The following HEATR5B variants were observed in gnomAD, a reference collection of about 807,000 sequenced individuals.
HEATR5B encodes HEAT repeat-containing protein 5B.
A neutral mutation model predicts 224.1 loss-of-function variants in HEATR5B; 156 were observed. The ratio of observed to expected loss-of-function variants is 0.70; its 90% CI spans 0.61 to 0.80. HEATR5B has a LOEUF of 0.80. Among genes scored for constraint, HEATR5B ranks in the 30% least tolerant of loss-of-function variants. The pLI is 0.00. For synonymous variants in HEATR5B, 1,027 were observed against 893.0 expected, an observed-to-expected ratio of 1.15 and a Z score of -2.68; for missense variants, 2,323 against 2,535.5, an observed-to-expected ratio of 0.92 and a Z score of 1.80.
rs1343164908 is a variant in HEATR5B, at chr2:36,981,451, C to A, written c.*39G>T. 2 of 1,501,332 alleles carry A rather than the reference C, an allele frequency of 1.3e-6. No individual in the cohort carries two copies. The highest frequency in any genetic ancestry group is 1.3e-5 in the South Asian group (1 of 79,802). The allele number at this position is 1,501,332 out of a possible 1,614,324, so 93.0% of individuals were successfully genotyped here. A position where few individuals can be genotyped will look rare whatever the true frequency, so the allele number is the denominator to read the frequency against. ...TACAGTGGCCATCACTAATTAGGGG[C>A]TAGTTGACAACATAAATACAAATAA... On this transcript the variant is annotated 3_prime_UTR_variant, in exon 36 of 36. Transcript: ENST00000233099.
intron 28 of HEATR5B, 94 bp downstream of exon 28, chr2:37,008,517 T>C (rs750698109): frequency 2.4e-6 from 2 of 847,110 alleles, no homozygotes; most frequent in South Asian, 1.4e-5. Flanking sequence ...AAACTGTTAC[T>C]ATAGCAACTG....
intron 8 of HEATR5B, among the ~76,000 whole-genome samples, chr2:37,066,801 TATTA>T (rs1414306302): frequency 1.3e-5 from 2 of 152,210 alleles, no homozygotes; most frequent in African/African-American, 4.8e-5. Context: ...TTGCATTCAT[TATTA>T]ATTAATAGAC....
intron 2 of HEATR5B, 37 bp downstream of exon 2, chr2:37,083,252 A>C (rs773081704): frequency 1.2e-6 from 2 of 1,611,268 alleles, no homozygotes; most frequent in South Asian, 1.1e-5. Context: ...TAATCTCTTC[A>C]CGTTAATGCA....
chr2:37,029,051 A>C, intron 22 of HEATR5B, 131 bp from the exon 23 acceptor site: 1 of 768,876 alleles, frequency 1.3e-6, no homozygotes, highest in South Asian at 1.9e-5. Flanking sequence ...TATACAATTT[A>C]ACTATGGCCT....
chr2:37,007,116 A>G lies in HEATR5B; in HGVS notation c.4711T>C (p.Ser1571Pro), dbSNP rs1263119402. The G allele has an allele frequency of 2.5e-6, 4 of 1,614,028 alleles. No homozygotes were observed. The highest frequency in any genetic ancestry group is 3.4e-6 in the Non-Finnish European group (4 of 1,180,022). ...GATTTAGCACTACCCACTGCTCCTG[A>G]TGCCTGGTTTAAATTGACAGATGTA... ...RSTSVNLNQA[S>P]GAVGSAKSLP... The change falls in exon 29 of 36, where the codon TCA becomes CCA. Residue 1571 changes from serine (S) to proline (P), a missense_variant. This residue lies in a region of HEATR5B where 844 missense variants were observed against 812.9 expected (regional missense o/e 1.04). Coordinates refer to ENST00000233099, the MANE Select transcript of HEATR5B (RefSeq NM_019024.3).
intron 33 of HEATR5B, among the ~76,000 whole-genome samples, chr2:36,996,978 C>T (rs929664773): frequency 9.1e-6 from 1 of 110,360 alleles, no homozygotes; most frequent in African/African-American, 3.3e-5. Context: ...CCACCTTGAC[C>T]TCCTAAGTGC....
intron 8 of HEATR5B, among the ~76,000 whole-genome samples, chr2:37,068,276 A>G (rs1216500939): frequency 6.6e-6 from 1 of 152,218 alleles, no homozygotes; most frequent in Non-Finnish European, 1.5e-5. Context: ...ACCATCTGTA[A>G]TTGTTCCTCT....
chr2:37,026,400 C>T (rs935564434), intron 24 of HEATR5B, among the ~76,000 whole-genome samples: 1 of 152,188 alleles, frequency 6.6e-6, no homozygotes, highest in African/African-American at 2.4e-5. Context: ...TTTGTTATAG[C>T]AGCAATAGAA....
chr2:37,000,624 C>A lies in HEATR5B; in HGVS notation c.5507G>T (p.Arg1836Leu). 1 of 1,614,184 alleles carries A rather than the reference C, an allele frequency of 6.2e-7. No individual in the cohort carries two copies. Among genetic ancestry groups the A allele is most frequent in the Non-Finnish European group, 8.5e-7 (1 of 1,180,018 alleles). Residue 1836 changes from arginine (R) to leucine (L), a missense_variant, in exon 33 of 36, where the codon CGT becomes CTT. Physicochemically the swap from Arg to Leu is moderately radical, Grantham distance 102. Transcript: ENST00000233099. ...GVQKQWTALI[R>L]STLACILEYS... ...TTCCAGGATGCAAGCAAGCGTGCTA[C>A]GAATCAGAGCTGTCCACTGTTTTTG...
At chr2:37,073,549 G>A (rs966530307) in intron 5 of HEATR5B, among the ~76,000 whole-genome samples, 2 of 151,762 alleles carry the variant, frequency 1.3e-5, no homozygotes, top group African/African-American at 2.4e-5. Context: ...CAGCCTGGAC[G>A]TTGACATTGA....
chr2:37,046,787 C>T (rs1174180032), intron 18 of HEATR5B, among the ~76,000 whole-genome samples: 3 of 151,646 alleles, frequency 2.0e-5, no homozygotes, highest in East Asian at 1.9e-4. Context: ...CAGTGGCTCA[C>T]GGTTGTAATC....
intron 21 of HEATR5B, among the ~76,000 whole-genome samples, chr2:37,037,159 T>TATATATATATATATATATA (rs1448007926): frequency 2.1e-4 from 29 of 139,222 alleles, no homozygotes; most frequent in Non-Finnish European, 3.3e-4. Flanking sequence ...TATATATATA[T>TATATATATATATATATATA]TTTGGAGATG....
Position 37,083,343 on chromosome 2 carries a change from A to C in HEATR5B, c.72T>G (p.Val24=). The C allele has an allele frequency of 6.2e-7, 1 of 1,614,112 alleles. No homozygotes were observed. Among genetic ancestry groups the C allele is most frequent in the Non-Finnish European group, 8.5e-7 (1 of 1,179,968 alleles). ...GAAATCGCAACCATTCAAAGATGAA[A>C]ACTGGTCTTTTTGCTTCGGTGATTT... ...LAQITEAKRP[V]FIFEWLRFLD... The change falls in exon 2 of 36, where the codon GTT becomes GTG. Residue 24 remains valine (V), a synonymous_variant. Coordinates refer to ENST00000233099, the MANE Select transcript of HEATR5B (RefSeq NM_019024.3).
At chr2:36,988,561 A>C in intron 35 of HEATR5B, 85 bp downstream of exon 35, 1 of 1,188,740 alleles carries the variant, frequency 8.4e-7, no homozygotes, top group Non-Finnish European at 1.2e-6. Context: ...TGCGCCCAGC[A>C]GGCCTGTTTC....
intron 22 of HEATR5B, among the ~76,000 whole-genome samples, chr2:37,030,145 C>T (rs1669035415): frequency 6.6e-6 from 1 of 152,036 alleles, no homozygotes; most frequent in Non-Finnish European, 1.5e-5. Flanking sequence ...CTAGAGCCCA[C>T]TGAACCCTGA....
Position 37,070,320 on chromosome 2 carries a change from C to T in HEATR5B, c.837G>A (p.Leu279=). Residue 279 remains leucine (L), a synonymous_variant, in exon 7 of 36, where the codon CTG becomes CTA. Transcript: ENST00000233099. ...EVLELMATGF[L]RGGSGFLKSG... The stretch of plus-strand genomic sequence containing the variant: ...TCTTTAAGAAACCTGACCCTCCACG[C>T]AGAAATCCTGTGGCCATGAGTTCTA... 6.2e-7 allele frequency: 1 copy of T among 1,613,960 alleles called. No individual in the cohort carries two copies. The highest frequency in any genetic ancestry group is 8.5e-7 in the Non-Finnish European group (1 of 1,179,822).
intron 35 of HEATR5B, among the ~76,000 whole-genome samples, chr2:36,986,720 C>T (rs1665972201): frequency 6.6e-6 from 1 of 152,112 alleles, no homozygotes; most frequent in African/African-American, 2.4e-5. Context: ...CGGGTTCAAG[C>T]AATTCTCCCG....
intron 28 of HEATR5B, 57 bp from the exon 29 acceptor site, chr2:37,007,361 T>TG (rs397870952): frequency 7.2e-7 from 1 of 1,390,356 alleles, no homozygotes; most frequent in Non-Finnish European, 9.5e-7. Context: ...TTTTTTTTTT[T>TG]GAGACCAAGT....
chr2:37,050,193 T>C (rs1427054087), intron 17 of HEATR5B, among the ~76,000 whole-genome samples: 2 of 152,210 alleles, frequency 1.3e-5, no homozygotes, highest in Non-Finnish European at 2.9e-5. Flanking sequence ...TCGCAATTCA[T>C]ATTAAATAAA....
Sources: allele counts gnomAD v4.1 joint callset (sites outside exome capture counted in the v4.1 genomes callset), GRCh38; gene constraint gnomAD v4.1.1; regional missense constraint gnomAD v4.1.1; transcripts MANE v1.5; gene names NCBI Gene and HGNC (gene_info 2026-07-23, HGNC 2026-07-21).